Variants in PHLDB2 observed in about 807,000 individuals in gnomAD.
PHLDB2 encodes the protein pleckstrin homology like domain family B member 2, also known as pleckstrin homology-like domain family B member 2.
PHLDB2 carries 71 observed loss-of-function variants against 123.6 expected under a neutral mutation model. The ratio of observed to expected loss-of-function variants is 0.57; its 90% CI spans 0.47 to 0.70. PHLDB2 has a LOEUF of 0.70. PHLDB2 is among the 30% of genes least tolerant of loss of function. PHLDB2 has a pLI of 0.00. For synonymous variants in PHLDB2, 547 were observed against 541.6 expected (o/e 1.01, Z -0.14); for missense variants, 1,446 against 1,519.5 (o/e 0.95, Z 0.80).
chr3:111,954,340 A>T (rs2107642291), intron 12 of PHLDB2, among the ~76,000 whole-genome samples: 1 of 152,320 alleles, frequency 6.6e-6, no homozygotes, highest in East Asian at 1.9e-4. Context: ...AGATCCAAGG[A>T]GATTACCAGG....
At chr3:111,819,043 T>A (rs1396669599) in intron 1 of PHLDB2, among the ~76,000 whole-genome samples, 1 of 152,134 alleles carries the variant, frequency 6.6e-6, no homozygotes, top group Non-Finnish European at 1.5e-5. Context: ...ATGGTCAGGA[T>A]CTGGTAAGGA....
chr3:111,859,972 A>G (rs1576915395), intron 1 of PHLDB2: 1 of 874,240 alleles, frequency 1.1e-6, no homozygotes, highest in African/African-American at 2.0e-5. Context: ...CAGGCTGCGC[A>G]GCTGGGTGGG....
At chr3:111,781,789 G>T (rs1408702940) in intron 1 of PHLDB2, among the ~76,000 whole-genome samples, 1 of 152,052 alleles carries the variant, frequency 6.6e-6, no homozygotes, top group African/African-American at 2.4e-5. Context: ...AGTACAGTTT[G>T]GGGGAAAGGT....
intron 14 of PHLDB2, 146 bp from the exon 15 acceptor site, chr3:111,967,532 G>A: frequency 1.4e-6 from 1 of 728,806 alleles, no homozygotes; most frequent in East Asian, 3.1e-5. Context: ...ATGGTTATGA[G>A]TTGTTTTCTT....
intron 2 of PHLDB2, among the ~76,000 whole-genome samples, chr3:111,886,183 AT>A (rs2066151628): frequency 6.6e-6 from 1 of 152,158 alleles, no homozygotes; most frequent in Non-Finnish European, 1.5e-5. Flanking sequence ...TTCATTTTTG[AT>A]TCATGATTTC....
chr3:111,955,587 A>T (rs1323850551), intron 12 of PHLDB2, among the ~76,000 whole-genome samples: 1 of 152,038 alleles, frequency 6.6e-6, no homozygotes, highest in Non-Finnish European at 1.5e-5. Context: ...AGTAAGCTGG[A>T]ACTATAGGTG....
chr3:111,928,633 T>C (rs1193570722), intron 5 of PHLDB2, among the ~76,000 whole-genome samples: 1 of 152,226 alleles, frequency 6.6e-6, no homozygotes, highest in Non-Finnish European at 1.5e-5. Flanking sequence ...CAACTCACTA[T>C]GGAAGCAAAT....
In PHLDB2 at chr3:111,949,171, G is replaced by A. The variant is rs114070738; in HGVS notation, c.2631+96G>A. ...AAATGAGGTCCACGAGAACGTGCAT[G>A]ACAAATGTATATCTGTTTGGCCAGA... is the stretch of plus-strand genomic sequence containing the variant. On this transcript the variant is annotated intron_variant, in intron 10 of 17. Coordinates refer to ENST00000431670, the MANE Select transcript of PHLDB2 (RefSeq NM_001134438.2). The A allele has an allele frequency of 1.4e-3, 1,972 of 1,402,600 alleles. 26 individuals are homozygous for A. The African/African-American group carries it at 0.025, about 18-fold the overall frequency. The allele number at this position is 1,402,600 out of a possible 1,614,324, so 86.9% of individuals were successfully genotyped here. A position where few individuals can be genotyped will look rare whatever the true frequency, so the allele number is the denominator to read the frequency against.
chr3:111,896,625 A>C (rs989388843), intron 2 of PHLDB2, among the ~76,000 whole-genome samples: 7 of 152,118 alleles, frequency 4.6e-5, no homozygotes, highest in African/African-American at 1.4e-4. Flanking sequence ...TGCTAGGATT[A>C]TAGGTGTGAG....
At chr3:111,780,933 A>G (rs951130293) in intron 1 of PHLDB2, among the ~76,000 whole-genome samples, 2 of 152,032 alleles carry the variant, frequency 1.3e-5, no homozygotes, top group African/African-American at 4.8e-5. Context: ...CTGAATCTTG[A>G]TTTTCCCCCA....
chr3:111,903,811 A>G (rs2067338352), intron 2 of PHLDB2, among the ~76,000 whole-genome samples: 1 of 152,168 alleles, frequency 6.6e-6, no homozygotes, highest in Non-Finnish European at 1.5e-5. Context: ...TTCTTCCAAG[A>G]TCCCAAGGGG....
At chr3:111,831,898 T>C (rs1486353886) in intron 1 of PHLDB2, among the ~76,000 whole-genome samples, 2 of 152,138 alleles carry the variant, frequency 1.3e-5, no homozygotes, top group Non-Finnish European at 2.9e-5. Context: ...AAATTATTGG[T>C]CAGTCAGACA....
Position 111,845,952 on chromosome 3 carries a change from C to T in PHLDB2, c.67+17C>T, listed in dbSNP as rs779098923. The stretch of plus-strand genomic sequence containing the variant: ...AACATTTCGGTGAGAACTTTATTGT[C>T]AGAGGTTTTCAGTACATATTTACAA... On this transcript the variant is annotated intron_variant, in intron 2 of 17. Coordinates refer to the PHLDB2 transcript ENST00000393923. The T allele has an allele frequency of 3.1e-6, 5 of 1,606,724 alleles. No homozygotes were observed. In the Admixed American group the frequency reaches 6.7e-5, roughly 21 times the overall value.
chr3:111,966,551 T>C lies in PHLDB2; in HGVS notation c.3078-62T>C, dbSNP rs983734503. ...GGGTGTGTGTGTGTGTGTGTGTGTA[T>C]GTATTAGAGAGACTTCTCAGTCTAA... On this transcript the variant is annotated intron_variant, in intron 13 of 17. Coordinates refer to ENST00000431670, the MANE Select transcript of PHLDB2 (RefSeq NM_001134438.2). The C allele has an allele frequency of 4.2e-5, 44 of 1,047,442 alleles. No homozygotes were observed. The South Asian group carries it at 5.1e-4, about 12-fold the overall frequency. 64.9% of individuals were successfully genotyped at this position (1,047,442 alleles called of 1,614,324 possible). A position where few individuals can be genotyped will look rare whatever the true frequency, so the allele number is the denominator to read the frequency against.
chr3:111,758,890 G>T (rs6768626), intron 1 of PHLDB2, among the ~76,000 whole-genome samples: 142,525 of 152,182 alleles, frequency 0.94, 66,787 homozygotes, highest in East Asian at 1. Context: ...GGTTTTATAA[G>T]CTACTAGATG....
At chr3:111,826,035 C>T (rs2062638131) in intron 1 of PHLDB2, among the ~76,000 whole-genome samples, 1 of 151,934 alleles carries the variant, frequency 6.6e-6, no homozygotes, top group Admixed American at 6.6e-5. Context: ...AGCATGGTGG[C>T]TCATGCTTGT....
At chr3:111,752,347 C>A (rs1402743766) in intron 1 of PHLDB2, among the ~76,000 whole-genome samples, 4 of 151,834 alleles carry the variant, frequency 2.6e-5, no homozygotes, top group African/African-American at 9.7e-5. Context: ...AGGCTCTCTA[C>A]TTTTTTAATG....
intron 1 of PHLDB2, among the ~76,000 whole-genome samples, chr3:111,866,014 ATTTTTTTTT>A (rs61038523): frequency 2.4e-4 from 14 of 57,430 alleles, no homozygotes; most frequent in East Asian, 8.5e-4. Flanking sequence ...CCACCCACTC[ATTTTTTTTT>A]TTTTTTTTTT....
intron 2 of PHLDB2, among the ~76,000 whole-genome samples, chr3:111,905,961 T>TA (rs1227957126): frequency 6.6e-6 from 1 of 152,238 alleles, no homozygotes; most frequent in Non-Finnish European, 1.5e-5. Flanking sequence ...TGTGTGCAGA[T>TA]ATTTTATTTT....
Sources: gnomAD v4.1 joint callset for allele counts (sites outside exome capture counted in the v4.1 genomes callset) on GRCh38, gnomAD v4.1.1 for gene constraint, MANE v1.5 for transcripts, NCBI Gene and HGNC (gene_info 2026-07-23, HGNC 2026-07-21) for gene names.